The following MGAT4C variants were observed in gnomAD, a reference collection of about 807,000 sequenced individuals.
The protein encoded by MGAT4C is MGAT4 family member C.
MGAT4C carries 19 observed loss-of-function variants against 40.1 expected under a neutral mutation model. The observed-to-expected ratio is 0.47, with a 90% CI of 0.33 to 0.70. The LOEUF (loss-of-function observed/expected upper bound fraction) is 0.70, where lower values mean the gene tolerates loss of function less well. Ranked by LOEUF, MGAT4C falls within the 30% of genes least tolerant of loss-of-function variation. The pLI, the probability that MGAT4C is intolerant of heterozygous loss-of-function variation, is 0.02. For missense variants in MGAT4C, 491 were observed against 563.2 expected (o/e 0.87, Z 1.30); for synonymous variants, 181 against 187.1 (o/e 0.97, Z 0.27).
intron 2 of MGAT4C, among the ~76,000 whole-genome samples, chr12:86,463,560 C>T (rs1957633345): frequency 6.6e-6 from 1 of 152,120 alleles, no homozygotes; most frequent in East Asian, 1.9e-4. Context: ...TGCATCAGAA[C>T]TTGACTTAAA....
intron 3 of MGAT4C, among the ~76,000 whole-genome samples, chr12:86,362,411 C>T (rs527844625): frequency 4.6e-5 from 7 of 151,984 alleles, no homozygotes; most frequent in Non-Finnish European, 1.0e-4. Flanking sequence ...GGGTGCAGCA[C>T]ACCAACATGG....
At chr12:86,733,291 G>A (rs1950939065) in intron 1 of MGAT4C, among the ~76,000 whole-genome samples, 1 of 152,070 alleles carries the variant, frequency 6.6e-6, no homozygotes, top group African/African-American at 2.4e-5. Context: ...CTGGAACAGT[G>A]TAAAGAATTA....
chr12:86,063,891 T>C (rs1363977278), intron 1 of MGAT4C, among the ~76,000 whole-genome samples: 1 of 152,198 alleles, frequency 6.6e-6, no homozygotes, highest in Admixed American at 6.5e-5. Flanking sequence ...AGCACCCAGA[T>C]TCATAAAGCA....
intron 4 of MGAT4C, among the ~76,000 whole-genome samples, chr12:86,294,130 T>TG: frequency 6.7e-6 from 1 of 149,440 alleles, no homozygotes; most frequent in Non-Finnish European, 1.5e-5. Context: ...AAAACAATAT[T>TG]AAAAAAAAAA....
chr12:85,966,198 CA>C lies in MGAT4C; in HGVS notation c.*13090del, dbSNP rs1883355210. 1 of 152,052 alleles carries C rather than the reference CA, an allele frequency of 6.6e-6. No individual in the cohort carries two copies. Among genetic ancestry groups the C allele is most frequent in the Non-Finnish European group, 1.5e-5 (1 of 67,976 alleles). The allele number at this position is 152,052 out of a possible 1,614,324, so 9.4% of individuals were successfully genotyped here. On this transcript the variant is annotated 3_prime_UTR_variant, in exon 5 of 5. Coordinates refer to ENST00000611864, the MANE Select transcript of MGAT4C (RefSeq NM_001351288.2). Reference sequence around the variant, plus strand: ...CTGATTTAATTATTAACTTGAAGGTCAGTTTCTACAACTTATTCTCATTTAT... The same window carrying C: ...CTGATTTAATTATTAACTTGAAGGTCGTTTCTACAACTTATTCTCATTTAT...
intron 1 of MGAT4C, among the ~76,000 whole-genome samples, chr12:86,816,746 C>T (rs1369053404): frequency 6.6e-6 from 1 of 151,328 alleles, no homozygotes; most frequent in African/African-American, 2.4e-5. Flanking sequence ...TGGATATGTC[C>T]CTGCAATATC....
intron 1 of MGAT4C, among the ~76,000 whole-genome samples, chr12:86,178,605 T>C (rs529881532): frequency 3.3e-5 from 5 of 152,352 alleles, no homozygotes; most frequent in African/African-American, 1.2e-4. Flanking sequence ...CTGTTCTCCC[T>C]TAATCAGAGA....
At position 86,160,235 on chromosome 12, in the gene MGAT4C, T is replaced by C. The variant is rs368878743; in HGVS notation, c.-57+96004A>G. Among the ~76,000 whole-genome samples, 31 of 151,192 alleles carry C rather than the reference T, an allele frequency of 2.1e-4. 1 individual carries two copies. The highest frequency in any genetic ancestry group is 7.2e-4 in the African/African-American group (30 of 41,458). On this transcript the variant is annotated intron_variant, in intron 1 of 4. Coordinates refer to ENST00000611864, the MANE Select transcript of MGAT4C (RefSeq NM_001351288.2). The stretch of plus-strand genomic sequence containing the variant: ...ATCCAAGAGATTTTGGTGAGATTTT[T>C]CCCCTGTTTTCATATATTTCAAAGA...
intron 2 of MGAT4C, among the ~76,000 whole-genome samples, chr12:86,640,460 A>C (rs1565899094): frequency 6.6e-6 from 1 of 151,792 alleles, no homozygotes; most frequent in Non-Finnish European, 1.5e-5. Flanking sequence ...CCCCTTTATC[A>C]TTTTTTATTG....
chr12:86,210,975 G>A (rs1950436064), intron 1 of MGAT4C, among the ~76,000 whole-genome samples: 1 of 151,940 alleles, frequency 6.6e-6, no homozygotes, highest in Non-Finnish European at 1.5e-5. Context: ...CAACAACTAT[G>A]ATAGACAGTG....
At chr12:86,379,364 T>C (rs1955887093) in intron 3 of MGAT4C, among the ~76,000 whole-genome samples, 1 of 152,144 alleles carries the variant, frequency 6.6e-6, no homozygotes, top group South Asian at 2.1e-4. Flanking sequence ...GGCTAAAAAT[T>C]GAAATTAGGC....
chr12:86,724,201 G>A (rs530330375), intron 2 of MGAT4C, among the ~76,000 whole-genome samples: 4 of 152,158 alleles, frequency 2.6e-5, no homozygotes, highest in African/African-American at 9.6e-5. Context: ...GTTCAAAATA[G>A]TTTATGGCAA....
chr12:85,997,698 A>G (rs1886785965), intron 2 of MGAT4C, among the ~76,000 whole-genome samples: 1 of 152,238 alleles, frequency 6.6e-6, no homozygotes, highest in South Asian at 2.1e-4. Context: ...TCAAGGTCTC[A>G]CATCCAGGTC....
chr12:86,277,363 A>G (rs1442790295), intron 4 of MGAT4C, among the ~76,000 whole-genome samples: 1 of 152,008 alleles, frequency 6.6e-6, no homozygotes, highest in African/African-American at 2.4e-5. Flanking sequence ...TTTGCTGATT[A>G]TTTTGTTTAC....
intron 1 of MGAT4C, among the ~76,000 whole-genome samples, chr12:86,821,227 C>T (rs1952699881): frequency 6.6e-6 from 1 of 150,806 alleles, no homozygotes; most frequent in East Asian, 1.9e-4. Flanking sequence ...ATGTATTCTA[C>T]ACAGTGATGT....
chr12:86,812,984 AC>A (rs1205712203), intron 1 of MGAT4C, among the ~76,000 whole-genome samples: 1 of 152,072 alleles, frequency 6.6e-6, no homozygotes, highest in African/African-American at 2.4e-5. Context: ...TAGGATGCCT[AC>A]TTTTACTAGG....
chr12:86,374,191 G>A (rs887825168), intron 3 of MGAT4C, among the ~76,000 whole-genome samples: 3 of 152,048 alleles, frequency 2.0e-5, no homozygotes, highest in African/African-American at 7.2e-5. Context: ...TATCATCAGT[G>A]TGAGCTGAGA....
intron 1 of MGAT4C, among the ~76,000 whole-genome samples, chr12:86,805,253 T>C (rs1415275935): frequency 6.6e-6 from 1 of 151,992 alleles, no homozygotes; most frequent in Non-Finnish European, 1.5e-5. Flanking sequence ...CAGTTATGTG[T>C]GCAGATTTGT....
At chr12:86,395,815 G>A (rs937595030) in intron 3 of MGAT4C, among the ~76,000 whole-genome samples, 2 of 152,080 alleles carry the variant, frequency 1.3e-5, no homozygotes, top group African/African-American at 4.8e-5. Flanking sequence ...GTGATACATT[G>A]TATGGATGTA....
Sources: gnomAD v4.1 joint callset for allele counts (sites outside exome capture counted in the v4.1 genomes callset) on GRCh38, gnomAD v4.1.1 for gene constraint, MANE v1.5 for transcripts, NCBI Gene and HGNC (gene_info 2026-07-23, HGNC 2026-07-21) for gene names.